Variants in KIF7 observed in about 807,000 individuals in gnomAD.
The protein encoded by KIF7 is kinesin-like protein KIF7.
A neutral mutation model predicts 135.7 loss-of-function variants in KIF7; 104 were observed. That is an observed-to-expected ratio of 0.77 (90% CI 0.65 to 0.90). The LOEUF (loss-of-function observed/expected upper bound fraction) is 0.90, where lower values mean the gene tolerates loss of function less well. KIF7 is among the 40% of genes least tolerant of loss of function. The pLI, the probability that KIF7 is intolerant of heterozygous loss-of-function variation, is 0.00. For synonymous variants in KIF7, 883 were observed against 809.4 expected, an observed-to-expected ratio of 1.09 and a Z score of -1.54; for missense variants, 2,005 against 1,839.1, an observed-to-expected ratio of 1.09 and a Z score of -1.65.
intron 11 of KIF7, among the ~76,000 whole-genome samples, chr15:89,634,741 G>A (rs1963767131): frequency 1.3e-5 from 2 of 152,260 alleles, no homozygotes; most frequent in African/African-American, 4.8e-5. Flanking sequence ...GTGGCAGCGA[G>A]GCTGGGGGAG....
chr15:89,640,631 T>C (rs1250313743), intron 11 of KIF7, among the ~76,000 whole-genome samples: 3 of 151,694 alleles, frequency 2.0e-5, no homozygotes, highest in Non-Finnish European at 2.9e-5. Flanking sequence ...TCTGCAAGGA[T>C]GGACGGATGG....
chr15:89,631,639 G>A lies in KIF7; in HGVS notation c.2967C>T (p.Ser989=), dbSNP rs749374011. 21 of 1,562,366 alleles carry A rather than the reference G, an allele frequency of 1.3e-5. No homozygotes were observed. The highest frequency in any genetic ancestry group is 1.1e-4 in the Admixed American group (6 of 53,554). ...EHLEKELSEK[S]GQLRQGSAQS... is the part of the protein sequence containing the mutation. ...GGGCGCTGCCCTGCCGCAGCTGCCC[G>A]CTCTTCTCGGACAGCTCCTTCTCCA... The change falls in exon 15 of 19, where the codon AGC becomes AGT. Residue 989 remains serine (S), a synonymous_variant. Transcript: ENST00000394412.
At chr15:89,626,910 G>T (rs567939114), downstream of KIF7, 124 of 1,593,458 alleles carry the variant, frequency 7.8e-5, no homozygotes, top group Non-Finnish European at 1.0e-4. Flanking sequence ...TTTTCAGTTC[G>T]GTCCTCTGTG....
At chr15:89,644,976 C>CCT in intron 10 of KIF7, 37 bp downstream of exon 10, 1 of 1,604,418 alleles carries the variant, frequency 6.2e-7, no homozygotes. Flanking sequence ...GAGAAGTCCC[C>CCT]CTCGGGTGAG....
chr15:89,639,261 C>T (rs533711027), intron 11 of KIF7, among the ~76,000 whole-genome samples: 38 of 152,252 alleles, frequency 2.5e-4, no homozygotes, highest in Non-Finnish European at 4.1e-4. Context: ...ACACCAAACG[C>T]AATGGCAACC....
chr15:89,648,636 C>T lies in KIF7; in HGVS notation c.1062G>A (p.Thr354=), dbSNP rs1284339153. 5.9e-6 allele frequency: 9 copies of T among 1,535,404 alleles called. No homozygotes were observed. Among genetic ancestry groups the T allele is most frequent in the Middle Eastern group, 1.7e-4 (1 of 6,006 alleles). The part of the protein sequence containing the change: ...SRAQNIRNRA[T]VNWRPEAERP... ...GCTCGGCCTCGGGCCGCCAGTTGAC[C>T]GTGGCGCGGTTGCGGATGTTCTGGG... The change falls in exon 5 of 19, where the codon ACG becomes ACA. Residue 354 remains threonine, a synonymous_variant. Transcript: ENST00000394412.
rs781304690 is a variant in KIF7 at position 89,633,722 on chromosome 15, C to T, written c.2556G>A (p.Leu852=). The T allele has an allele frequency of 3.1e-6, 5 of 1,608,682 alleles. No individual in the cohort carries two copies. In the South Asian group the frequency reaches 3.3e-5, roughly 11 times the overall value. ...LREETEQKRR[L]EAEMSKRQHR... Reference sequence around the variant, plus strand: ...GCTGCCGCTTGCTCATTTCTGCCTCCAGGCGCCGCTTCTGCTCCGTCTCCT... The same window carrying T: ...GCTGCCGCTTGCTCATTTCTGCCTCTAGGCGCCGCTTCTGCTCCGTCTCCT... The change falls in exon 12 of 19, where the codon CTG becomes CTA. Residue 852 remains leucine, a synonymous_variant. Transcript: ENST00000394412.
At position 89,628,589 on chromosome 15, in the gene KIF7, C is replaced by A. The variant is rs1167726963; in HGVS notation, c.3862G>T (p.Gly1288Trp). The A allele has an allele frequency of 6.2e-7, 1 of 1,613,522 alleles. No homozygotes were observed. The highest frequency in any genetic ancestry group is 8.5e-7 in the Non-Finnish European group (1 of 1,180,006). ...CGCTGCCTCAGTTCCTCGGGGGACC[C>A]CTGCTCCTCACCACACAGGCTCGAG... ...KRSSLCGEEQ[G>W]SPEELRQREA... is the part of the protein sequence containing the mutation. Residue 1288 changes from glycine to tryptophan, a missense_variant, in exon 19 of 19, where the codon GGG becomes TGG. Gly to Trp is a radical substitution (Grantham distance 184). Transcript: ENST00000394412.
rs369139209 is a variant in KIF7 at position 89,631,561 on chromosome 15, G to C, written c.3045C>G (p.Asp1015Glu). 2 of 1,574,734 alleles carry C rather than the reference G, an allele frequency of 1.3e-6. No homozygotes were observed. Among genetic ancestry groups the C allele is most frequent in the Non-Finnish European group, 1.7e-6 (2 of 1,158,900 alleles). Residue 1015 changes from aspartate (D) to glutamate (E), a missense_variant, in exon 15 of 19, where the codon GAC (aspartate) becomes GAG (glutamate). Physicochemically the swap from Asp to Glu is conservative, Grantham distance 45. Coordinates refer to ENST00000394412, the MANE Select transcript of KIF7 (RefSeq NM_198525.3). ...TCTCCAGGCGCTGCTTGAGCAGCGA[G>C]TCCTTCTCCTGGCGCAGGCTGTCGA... is the stretch of plus-strand genomic sequence containing the variant. ...GEIDSLRQEK[D>E]SLLKQRLEID...
intron 16 of KIF7, chr15:89,629,889 C>A (rs974561660): frequency 2.3e-5 from 12 of 529,366 alleles, no homozygotes; most frequent in Admixed American, 2.3e-4. Context: ...CATCTGGGAC[C>A]AGATAATTCT....
At chr15:89,624,301 G>C, downstream of KIF7, 2 of 1,614,138 alleles carry the variant, frequency 1.2e-6, no homozygotes, top group Non-Finnish European at 1.7e-6. Context: ...ATCTAAAATA[G>C]AGTGTCCTTC....
Position 89,648,374 on chromosome 15 carries a change from C to A in KIF7, c.1324G>T (p.Asp442Tyr), listed in dbSNP as rs747307729. The A allele has an allele frequency of 2.7e-4, 329 of 1,230,078 alleles. No homozygotes were observed. Among genetic ancestry groups the A allele is most frequent in the Non-Finnish European group, 3.2e-4 (310 of 983,286 alleles). The allele number at this position is 1,230,078 out of a possible 1,614,324, so 76.2% of individuals were successfully genotyped here. Residue 442 changes from aspartate (D) to tyrosine (Y), a missense_variant, in exon 5 of 19, where the codon GAC becomes TAC. Physicochemically the swap from Asp to Tyr is radical, Grantham distance 160. Transcript: ENST00000394412. Reference sequence around the variant, plus strand: ...TCGCCCTCGACGGCGCACAGCCAGTCGCGCACCTTGCGGGCGGCGGCGCCG... The same window carrying A: ...TCGCCCTCGACGGCGCACAGCCAGTAGCGCACCTTGCGGGCGGCGGCGCCG... ...LPGAAARKVR[D>Y]WLCAVEGERS...
chr15:89,633,913 T>C lies in KIF7; in HGVS notation c.2395-30A>G. On this transcript the variant is annotated intron_variant, in intron 11 of 18. Coordinates refer to ENST00000394412, the MANE Select transcript of KIF7 (RefSeq NM_198525.3). ...GACCCACACAGTCTTCACTGGGCCATGCACGGGGCTACCGCGAGCCTGCCA... is the reference window on the plus strand; with the variant it reads ...GACCCACACAGTCTTCACTGGGCCACGCACGGGGCTACCGCGAGCCTGCCA... 1.9e-6 allele frequency: 3 copies of C among 1,612,316 alleles called. No individual in the cohort carries two copies. The African/African-American group carries it at 4.0e-5, about 21-fold the overall frequency.
chr15:89,660,680 G>A, the KIF7 span, among the ~76,000 whole-genome samples: 1 of 152,220 alleles, frequency 6.6e-6, no homozygotes, highest in African/African-American at 2.4e-5. Context: ...ATCACTGTGT[G>A]CTAGACTGTA....
Position 89,648,675 on chromosome 15 carries a change from G to A in KIF7, c.1023C>T (p.Asn341=). ...SDFDETLNTL[N]YASRAQNIRN... Reference sequence around the variant, plus strand: ...GGATGTTCTGGGCGCGGCTGGCGTAGTTGAGGGTGTTGAGGGTCTCGTCGA... The same window carrying A: ...GGATGTTCTGGGCGCGGCTGGCGTAATTGAGGGTGTTGAGGGTCTCGTCGA... The change falls in exon 5 of 19, where the codon AAC becomes AAT. Residue 341 remains asparagine (N), a synonymous_variant. Coordinates refer to ENST00000394412, the MANE Select transcript of KIF7 (RefSeq NM_198525.3). The A allele has an allele frequency of 6.5e-7, 1 of 1,535,932 alleles. No individual in the cohort carries two copies. Among genetic ancestry groups the A allele is most frequent in the Non-Finnish European group, 8.7e-7 (1 of 1,146,346 alleles).
chr15:89,646,705 C>T (rs1596076960), intron 7 of KIF7, 125 bp downstream of exon 7: 5 of 878,696 alleles, frequency 5.7e-6, no homozygotes, highest in East Asian at 2.5e-5. Flanking sequence ...AGCAGCCTCT[C>T]GCATCTCACA....
intron 1 of KIF7, among the ~76,000 whole-genome samples, chr15:89,621,130 C>T (rs1340065766): frequency 1.3e-5 from 2 of 152,126 alleles, no homozygotes; most frequent in African/African-American, 4.8e-5. Context: ...AGCAATTCTT[C>T]TGCCTCAGCC....
At chr15:89,635,003 A>G (rs1963773903) in intron 11 of KIF7, among the ~76,000 whole-genome samples, 1 of 152,234 alleles carries the variant, frequency 6.6e-6, no homozygotes, top group Non-Finnish European at 1.5e-5. Context: ...CTGCCTCCTC[A>G]AGTGGGTTCC....
Position 89,630,280 on chromosome 15 carries a change from G to A in KIF7, c.3318+7C>T. 2 of 1,613,662 alleles carry A rather than the reference G, an allele frequency of 1.2e-6. No individual in the cohort carries two copies. Among genetic ancestry groups the A allele is most frequent in the South Asian group, 2.2e-5 (2 of 91,022 alleles). Reference sequence around the variant, plus strand: ...AGGAGCTGGGGGGCCATGGGCTGCTGGCCCACCTTGTCAAAATACTTGCAG... The same window carrying A: ...AGGAGCTGGGGGGCCATGGGCTGCTAGCCCACCTTGTCAAAATACTTGCAG... On this transcript the variant is annotated splice_region_variant and intron_variant, in intron 16 of 18. Coordinates refer to ENST00000394412, the MANE Select transcript of KIF7 (RefSeq NM_198525.3).
Sources: allele counts gnomAD v4.1 joint callset (sites outside exome capture counted in the v4.1 genomes callset), GRCh38; gene constraint gnomAD v4.1.1; transcripts MANE v1.5; gene names NCBI Gene and HGNC (gene_info 2026-07-23, HGNC 2026-07-21).